The following SYK variants were observed in gnomAD, a reference collection of about 807,000 sequenced individuals.
SYK encodes tyrosine-protein kinase SYK.
Under a neutral mutation model 77.8 loss-of-function variants are expected in SYK, and 16 were observed. The observed-to-expected ratio is 0.21, with a 90% CI of 0.14 to 0.31. The LOEUF is 0.31. Among genes scored for constraint, SYK ranks in the 10% least tolerant of loss-of-function variants. SYK has a pLI of 1.00. For missense variants in SYK, 529 were observed against 814.4 expected (o/e 0.65, Z 4.26); for synonymous variants, 312 against 308.7 (o/e 1.01, Z -0.11).
At chr9:90,876,230 C>T (rs1196538698) in intron 9 of SYK, among the ~76,000 whole-genome samples, 1 of 150,466 alleles carries the variant, frequency 6.6e-6, no homozygotes, top group Non-Finnish European at 1.5e-5. Context: ...GAGGTTGCAG[C>T]CAGCCAAGAT....
At chr9:90,884,215 A>G (rs1352992768) in intron 11 of SYK, among the ~76,000 whole-genome samples, 3 of 61,308 alleles carry the variant, frequency 4.9e-5, no homozygotes, top group African/African-American at 1.5e-4. Flanking sequence ...GTATATATAC[A>G]CGCATATACA....
chr9:90,855,433 G>T (rs1422524438), intron 3 of SYK, among the ~76,000 whole-genome samples: 1 of 152,144 alleles, frequency 6.6e-6, no homozygotes, highest in Non-Finnish European at 1.5e-5. Flanking sequence ...CCCACCCAGG[G>T]CCTGCTCCTG....
At chr9:90,847,339 G>T (rs1826638406) in intron 3 of SYK, among the ~76,000 whole-genome samples, 1 of 152,214 alleles carries the variant, frequency 6.6e-6, no homozygotes, top group Non-Finnish European at 1.5e-5. Flanking sequence ...TGTGAGAGAG[G>T]GGCCTGGGCT....
intron 1 of SYK, among the ~76,000 whole-genome samples, chr9:90,816,369 G>C (rs984824616): frequency 2.0e-5 from 3 of 152,168 alleles, no homozygotes; most frequent in African/African-American, 7.2e-5. Flanking sequence ...TTTAGTCTAA[G>C]TCCTGAAATC....
At chr9:90,848,974 G>T (rs988815748) in intron 3 of SYK, among the ~76,000 whole-genome samples, 7 of 152,228 alleles carry the variant, frequency 4.6e-5, no homozygotes, top group Non-Finnish European at 8.8e-5. Flanking sequence ...TGGCAAATTC[G>T]AATGCCCTGT....
rs548151667 is a variant in SYK at position 90,897,147 on chromosome 9, G to T, written c.*1547G>T. ...AAACCTGAGACATTTTAAAGTGCAT[G>T]GACAGCCATGGACAGCAGGCCCTCC... is the stretch of plus-strand genomic sequence containing the variant. On this transcript the variant is annotated 3_prime_UTR_variant, in exon 14 of 14. Transcript: ENST00000375754. The T allele has an allele frequency of 1.7e-5, 4 of 230,554 alleles. No homozygotes were observed. The East Asian group carries it at 2.5e-4, about 14-fold the overall frequency. 14.3% of individuals were successfully genotyped at this position (230,554 alleles called of 1,614,324 possible). A position where few individuals can be genotyped will look rare whatever the true frequency, so the allele number is the denominator to read the frequency against.
chr9:90,854,994 T>A (rs572921888), intron 3 of SYK, among the ~76,000 whole-genome samples: 48 of 96,176 alleles, frequency 5.0e-4, no homozygotes, highest in East Asian at 7.3e-4. Flanking sequence ...TCTCTCTCTC[T>A]CACACACACA....
rs1348406756 is a variant in SYK at position 90,898,014 on chromosome 9, G to C, written c.*2414G>C. On this transcript the variant is annotated 3_prime_UTR_variant, in exon 14 of 14. Transcript: ENST00000375754. ...CCAGGCTTCTAGAGCAGCTAGCTTG[G>C]GCTGGATTCTCATACCCAGGCTGCC... The C allele has an allele frequency of 1.3e-5, 3 of 229,298 alleles. No individual in the cohort carries two copies. In the South Asian group the frequency reaches 5.5e-4, roughly 42 times the overall value. 14.2% of individuals were successfully genotyped at this position (229,298 alleles called of 1,614,324 possible).
chr9:90,811,861 G>T (rs750259124), intron 1 of SYK, among the ~76,000 whole-genome samples: 5 of 151,146 alleles, frequency 3.3e-5, no homozygotes, highest in Non-Finnish European at 7.4e-5. Context: ...AAGAGGTCAA[G>T]GCTGCAGTGA....
chr9:90,870,109 AAAAAG>A (rs527739463), intron 7 of SYK, among the ~76,000 whole-genome samples: 50 of 152,346 alleles, frequency 3.3e-4, no homozygotes, highest in African/African-American at 9.9e-4. Flanking sequence ...TCAAAAACAA[AAAAAG>A]AAAAGAAAAG....
intron 7 of SYK, among the ~76,000 whole-genome samples, chr9:90,871,945 T>C (rs532367582): frequency 1.3e-5 from 2 of 152,322 alleles, no homozygotes; most frequent in East Asian, 3.9e-4. Context: ...TCCCATCTGT[T>C]TCCCTATCCA....
chr9:90,863,362 G>A (rs578204443), intron 4 of SYK, among the ~76,000 whole-genome samples: 1 of 152,192 alleles, frequency 6.6e-6, no homozygotes, highest in South Asian at 2.1e-4. Flanking sequence ...AGCCCAGCTG[G>A]GGCCACACAT....
In SYK at chr9:90,809,019, C is replaced by A. The variant is rs139331296; in HGVS notation, c.-42+7126C>A. Reference sequence around the variant, plus strand: ...CCCCTTCTCTGCATTTATAGCTGTGCATATGCTTGAGGTGGAAGGCCACCA... The same window carrying A: ...CCCCTTCTCTGCATTTATAGCTGTGAATATGCTTGAGGTGGAAGGCCACCA... On this transcript the variant is annotated intron_variant, in intron 1 of 13. Transcript: ENST00000375754. Among the ~76,000 whole-genome samples the A allele has an allele frequency of 3.3e-5, 5 of 152,316 alleles. No individual in the cohort carries two copies. The East Asian group carries it at 9.6e-4, about 29-fold the overall frequency.
rs1826938422 is a variant in SYK at position 90,854,336 on chromosome 9, T to G, written c.579-7870T>G. Among the ~76,000 whole-genome samples the G allele has an allele frequency of 2.0e-5, 3 of 152,136 alleles. No individual in the cohort carries two copies. In the South Asian group the frequency reaches 6.2e-4, roughly 32 times the overall value. On this transcript the variant is annotated intron_variant, in intron 3 of 13. Coordinates refer to ENST00000375754, the MANE Select transcript of SYK (RefSeq NM_003177.7). ...TGGGCTGTGATCAGGCCCAGTAGTT[T>G]GCAGATGTCTGGAGAGAAACTGAGT...
intron 1 of SYK, among the ~76,000 whole-genome samples, chr9:90,825,837 G>C (rs1484833490): frequency 1.3e-5 from 2 of 152,200 alleles, no homozygotes; most frequent in Non-Finnish European, 2.9e-5. Flanking sequence ...TTGGCAAGGG[G>C]TTGACTTTCA....
chr9:90,876,073 G>T (rs1827915243), intron 9 of SYK, among the ~76,000 whole-genome samples: 1 of 152,094 alleles, frequency 6.6e-6, no homozygotes, highest in Non-Finnish European at 1.5e-5. Context: ...ATCACCTGAG[G>T]TCTGGAGTTC....
Position 90,862,209 on chromosome 9 carries a change from C to T in SYK, c.582C>T (p.Ile194=), listed in dbSNP as rs2118783574. The T allele has an allele frequency of 6.2e-7, 1 of 1,610,840 alleles. No homozygotes were observed. The highest frequency in any genetic ancestry group is 8.5e-7 in the Non-Finnish European group (1 of 1,178,044). ...IGSKTNGKFL[I]RARDNNGSYA... is the part of the protein sequence containing the mutation. ...GCAGTTCCATCCTCTCTTCTAGGAT[C>T]CGAGCCAGAGACAACAACGGCTCCT... The change falls in exon 4 of 14, where the codon ATC becomes ATT. Residue 194 remains isoleucine (I), a synonymous_variant. Coordinates refer to ENST00000375754, the MANE Select transcript of SYK (RefSeq NM_003177.7).
intron 1 of SYK, among the ~76,000 whole-genome samples, chr9:90,805,190 A>G (rs2774260): frequency 0.42 from 63,707 of 152,078 alleles, 14,137 homozygotes; most frequent in East Asian, 0.62. Flanking sequence ...ATGGTGGTGG[A>G]GCAAGCGAGG....
chr9:90,884,743 A>ACACATATACACATATGTGTACATG lies in SYK; in HGVS notation c.1582-2992_1582-2969dup, dbSNP rs1564122270. The stretch of plus-strand genomic sequence containing the variant: ...TACACATATGTGTACATGTACATAT[A>ACACATATACACATATGTGTACATG]CACATATACACATATGTGTACATGC... On this transcript the variant is annotated intron_variant, in intron 11 of 13. Transcript: ENST00000375754. 6.3e-5 allele frequency among the ~76,000 whole-genome samples: 2 copies of ACACATATACACATATGTGTACATG among 31,528 alleles called. 1 individual carries two copies. Among genetic ancestry groups the ACACATATACACATATGTGTACATG allele is most frequent in the Non-Finnish European group, 9.5e-5 (2 of 21,004 alleles). The allele number at this position is 31,528 out of a possible 152,430, so 20.7% of individuals were successfully genotyped here.
Sources: gnomAD v4.1 joint callset for allele counts (sites outside exome capture counted in the v4.1 genomes callset) on GRCh38, gnomAD v4.1.1 for gene constraint, MANE v1.5 for transcripts, NCBI Gene and HGNC (gene_info 2026-07-23, HGNC 2026-07-21) for gene names.